Variants in XKR9 observed in about 807,000 individuals in gnomAD.
XKR9 encodes XK-related protein 9.
Under a neutral mutation model 32.0 loss-of-function variants are expected in XKR9, and 32 were observed. The ratio of observed to expected loss-of-function variants is 1.00; its 90% CI spans 0.76 to 1.34. XKR9 has a LOEUF of 1.34. Ranked by LOEUF, XKR9 falls within the 40% of genes most tolerant of loss-of-function variation. The pLI is 0.00. For missense variants in XKR9, 546 were observed against 429.7 expected, an observed-to-expected ratio of 1.27 and a Z score of -2.39; for synonymous variants, 168 against 143.4, an observed-to-expected ratio of 1.17 and a Z score of -1.22.
the XKR9 span, among the ~76,000 whole-genome samples, chr8:70,859,302 T>C: frequency 6.6e-6 from 1 of 152,132 alleles, no homozygotes; most frequent in African/African-American, 2.4e-5. Context: ...TCATGTGATA[T>C]CATCTCACTC....
the XKR9 span, among the ~76,000 whole-genome samples, chr8:70,940,024 A>T: frequency 1.3e-5 from 2 of 152,088 alleles, no homozygotes; most frequent in Non-Finnish European, 2.9e-5. Context: ...ATGAATAAAA[A>T]TACTACATAA....
chr8:70,940,735 T>G, the XKR9 span, among the ~76,000 whole-genome samples: 1 of 152,106 alleles, frequency 6.6e-6, no homozygotes, highest in Admixed American at 6.6e-5. Flanking sequence ...CAGTATTATA[T>G]TATTAAATGA....
the XKR9 span, among the ~76,000 whole-genome samples, chr8:70,901,239 C>T: frequency 6.6e-6 from 1 of 152,212 alleles, no homozygotes; most frequent in Admixed American, 6.5e-5. Context: ...GCCACACTGT[C>T]TTCCACAATA....
chr8:70,751,182 G>A (rs1271640850), intron 2 of XKR9, among the ~76,000 whole-genome samples: 2 of 152,176 alleles, frequency 1.3e-5, no homozygotes, highest in East Asian at 1.9e-4. Context: ...AGGCTGGAGT[G>A]CAGTGGCGCG....
downstream of XKR9, among the ~76,000 whole-genome samples, chr8:70,740,796 C>G (rs947259840): frequency 5.9e-5 from 9 of 152,208 alleles, no homozygotes; most frequent in Non-Finnish European, 1.2e-4. Flanking sequence ...TCGTGAACCA[C>G]GAATGCTGCT....
At chr8:70,876,516 G>A in the XKR9 span, among the ~76,000 whole-genome samples, 2 of 151,940 alleles carry the variant, frequency 1.3e-5, no homozygotes, top group Non-Finnish European at 2.9e-5. Flanking sequence ...AATCTGTCCA[G>A]TGCAAAAAAT....
At chr8:70,925,641 G>C in the XKR9 span, among the ~76,000 whole-genome samples, 2 of 152,208 alleles carry the variant, frequency 1.3e-5, no homozygotes, top group East Asian at 3.9e-4. Flanking sequence ...TATGAATGTA[G>C]TGGTTATGTG....
the XKR9 span, among the ~76,000 whole-genome samples, chr8:70,838,942 C>T: frequency 6.6e-6 from 1 of 152,046 alleles, no homozygotes; most frequent in Non-Finnish European, 1.5e-5. Flanking sequence ...AATTTGATGG[C>T]AAATCTTTTA....
chr8:70,814,241 A>G, the XKR9 span, among the ~76,000 whole-genome samples: 4 of 152,058 alleles, frequency 2.6e-5, no homozygotes, highest in African/African-American at 4.8e-5. Context: ...GAATTGAACA[A>G]TGAGAACACG....
In XKR9 at chr8:70,727,204, C is replaced by T. The variant is rs1806499871; in HGVS notation, c.494-6592C>T. Among the ~76,000 whole-genome samples, 4 of 152,052 alleles carry T rather than the reference C, an allele frequency of 2.6e-5. 1 individual carries two copies. In the South Asian group the frequency reaches 8.3e-4, roughly 32 times the overall value. On this transcript the variant is annotated intron_variant, in intron 4 of 4. Coordinates refer to ENST00000408926, the MANE Select transcript of XKR9 (RefSeq NM_001011720.2). ...ATCTTTTAGTTCCATTTTCCATGAACTTCTGGAAGTCCCTTTGTTTATGTG... is the reference window on the plus strand; with the variant it reads ...ATCTTTTAGTTCCATTTTCCATGAATTTCTGGAAGTCCCTTTGTTTATGTG...
At chr8:71,032,539 A>C in the XKR9 span, among the ~76,000 whole-genome samples, 1 of 152,164 alleles carries the variant, frequency 6.6e-6, no homozygotes, top group Admixed American at 6.5e-5. Context: ...CAGACATAAT[A>C]CACCATATAG....
intron 4 of XKR9, among the ~76,000 whole-genome samples, chr8:70,726,927 A>G (rs946880334): frequency 6.6e-6 from 1 of 152,152 alleles, no homozygotes; most frequent in Non-Finnish European, 1.5e-5. Flanking sequence ...TTTGATGGGA[A>G]ATCATTAGAC....
At chr8:70,895,569 G>A in the XKR9 span, among the ~76,000 whole-genome samples, 1 of 152,098 alleles carries the variant, frequency 6.6e-6, no homozygotes, top group African/African-American at 2.4e-5. Context: ...AAATAGATAT[G>A]CTGAAAAAGA....
chr8:70,733,042 G>A (rs1174754604), intron 4 of XKR9, among the ~76,000 whole-genome samples: 4 of 152,146 alleles, frequency 2.6e-5, no homozygotes, highest in African/African-American at 4.8e-5. Flanking sequence ...GGTTGAACCC[G>A]GGAGGTGGAG....
chr8:70,884,544 T>C, the XKR9 span, among the ~76,000 whole-genome samples: 1 of 152,190 alleles, frequency 6.6e-6, no homozygotes, highest in African/African-American at 2.4e-5. Flanking sequence ...TTTGAGTTAA[T>C]TTTTGTGAAA....
chr8:70,867,955 C>G, the XKR9 span, among the ~76,000 whole-genome samples: 1 of 152,214 alleles, frequency 6.6e-6, no homozygotes, highest in African/African-American at 2.4e-5. Context: ...AAAGGGGCCA[C>G]AAGCCCCATG....
intron 2 of XKR9, among the ~76,000 whole-genome samples, chr8:70,775,333 G>T (rs1301862526): frequency 1.3e-5 from 2 of 151,876 alleles, no homozygotes; most frequent in Non-Finnish European, 2.9e-5. Flanking sequence ...ATGGTTTCTT[G>T]AGTACAACCT....
chr8:70,973,821 G>C, the XKR9 span, among the ~76,000 whole-genome samples: 1 of 152,164 alleles, frequency 6.6e-6, no homozygotes, highest in Non-Finnish European at 1.5e-5. Context: ...TGTCGTTGGA[G>C]AGAGTACTTG....
chr8:70,780,269 C>T (rs62508770), intron 2 of XKR9, among the ~76,000 whole-genome samples: 50,160 of 151,246 alleles, frequency 0.33, 9,433 homozygotes, highest in Non-Finnish European at 0.43. Flanking sequence ...TTATTTCTTA[C>T]TTTGCATTTA....
Sources: allele counts gnomAD v4.1 joint callset (sites outside exome capture counted in the v4.1 genomes callset), GRCh38; gene constraint gnomAD v4.1.1; transcripts MANE v1.5; gene names NCBI Gene and HGNC (gene_info 2026-07-23, HGNC 2026-07-21).